Variants in WDPCP observed in about 807,000 individuals in gnomAD.
WDPCP encodes WD repeat containing planar cell polarity effector, also known as WD repeat-containing and planar cell polarity effector protein fritz homolog.
WDPCP carries 71 observed loss-of-function variants against 93.1 expected under a neutral mutation model. The ratio of observed to expected loss-of-function variants is 0.76; its 90% CI spans 0.63 to 0.93. The LOEUF (loss-of-function observed/expected upper bound fraction) is 0.93, where lower values mean the gene tolerates loss of function less well. WDPCP is among the 40% of genes least tolerant of loss of function. The pLI is 0.00. For missense variants in WDPCP, 844 were observed against 887.4 expected (o/e 0.95, Z 0.62); for synonymous variants, 315 against 315.0 (o/e 1.00, Z 0.00).
At chr2:63,169,697 G>A (rs868409753) in intron 15 of WDPCP, among the ~76,000 whole-genome samples, 1 of 151,936 alleles carries the variant, frequency 6.6e-6, no homozygotes, top group Non-Finnish European at 1.5e-5. Flanking sequence ...TTATACAAAC[G>A]CTGTTGCTTC....
At chr2:63,597,595 T>C in intron 3 of WDPCP, 1 of 1,342,804 alleles carries the variant, frequency 7.4e-7, no homozygotes, top group Non-Finnish European at 9.6e-7. Context: ...CTGTATTTTA[T>C]GGGATTTTTC....
At chr2:63,129,469 C>A (rs749958769) in intron 17 of WDPCP, among the ~76,000 whole-genome samples, 2 of 152,202 alleles carry the variant, frequency 1.3e-5, no homozygotes, top group South Asian at 2.1e-4. Context: ...TAATGGCCAT[C>A]TTATTGCTTC....
chr2:63,709,426 T>A (rs1237246634), intron 2 of WDPCP, among the ~76,000 whole-genome samples: 2 of 152,208 alleles, frequency 1.3e-5, no homozygotes, highest in Non-Finnish European at 2.9e-5. Context: ...ATTTGGGGGC[T>A]AGATTCATGC....
chr2:63,215,043 A>G (rs533566720), intron 14 of WDPCP, among the ~76,000 whole-genome samples: 11 of 152,316 alleles, frequency 7.2e-5, no homozygotes, highest in African/African-American at 2.4e-4. Flanking sequence ...AAATGGCCAT[A>G]CTGCCCAAGG....
intron 1 of WDPCP, among the ~76,000 whole-genome samples, chr2:63,514,272 C>T (rs1457233331): frequency 6.6e-6 from 1 of 152,024 alleles, no homozygotes; most frequent in African/African-American, 2.4e-5. Context: ...AAGTGCCCCA[C>T]CTCCTACCAA....
chr2:63,604,544 A>C (rs1297436260), intron 3 of WDPCP: 7 of 660,790 alleles, frequency 1.1e-5, no homozygotes, highest in African/African-American at 1.8e-5. Context: ...CCAAGCAATA[A>C]ATTTACATTT....
chr2:63,778,984 T>A (rs1306643025), intron 2 of WDPCP, among the ~76,000 whole-genome samples: 4 of 152,172 alleles, frequency 2.6e-5, no homozygotes, highest in Non-Finnish European at 4.4e-5. Context: ...TTGGCATACA[T>A]CCCTCTCTCT....
chr2:63,522,072 T>C (rs1272967431), intron 1 of WDPCP, among the ~76,000 whole-genome samples: 1 of 152,012 alleles, frequency 6.6e-6, no homozygotes, highest in Non-Finnish European at 1.5e-5. Flanking sequence ...TTGGGATACA[T>C]GTATAGAATG....
chr2:63,124,418 A>C (rs918167352), intron 17 of WDPCP, among the ~76,000 whole-genome samples: 4 of 152,016 alleles, frequency 2.6e-5, no homozygotes, highest in African/African-American at 4.8e-5. Context: ...TGCTTTCTAC[A>C]TGTGGTTAAG....
intron 2 of WDPCP, among the ~76,000 whole-genome samples, chr2:63,766,750 C>T (rs1419236329): frequency 6.6e-6 from 1 of 152,122 alleles, no homozygotes; most frequent in Non-Finnish European, 1.5e-5. Context: ...AATACACAGA[C>T]ATAAAATTTA....
intron 3 of WDPCP, among the ~76,000 whole-genome samples, chr2:63,639,893 G>A (rs1053955051): frequency 6.6e-5 from 10 of 152,170 alleles, no homozygotes; most frequent in Non-Finnish European, 1.0e-4. Flanking sequence ...AAAACATTAT[G>A]GAAACAATAC....
intron 1 of WDPCP, among the ~76,000 whole-genome samples, chr2:63,525,064 C>CA (rs1256015249): frequency 1.3e-5 from 2 of 151,436 alleles, no homozygotes; most frequent in South Asian, 2.1e-4. Flanking sequence ...CTACTCAGCC[C>CA]AAAAAAAAGA....
At chr2:63,280,620 TA>T (rs1397526097) in intron 13 of WDPCP, among the ~76,000 whole-genome samples, 2 of 152,118 alleles carry the variant, frequency 1.3e-5, no homozygotes, top group African/African-American at 4.8e-5. Context: ...GGTACTGGTA[TA>T]AAAATAGGCA....
chr2:63,611,079 C>G (rs1478864753), intron 3 of WDPCP, among the ~76,000 whole-genome samples: 1 of 152,106 alleles, frequency 6.6e-6, no homozygotes, highest in Non-Finnish European at 1.5e-5. Context: ...GCTTAGGTGA[C>G]AGTGCAAGAC....
At chr2:63,644,088 T>C (rs1710017568) in intron 3 of WDPCP, 3 of 354,692 alleles carry the variant, frequency 8.5e-6, no homozygotes, top group Non-Finnish European at 1.7e-5. Flanking sequence ...ATCTTTTTAA[T>C]CTGGTTTGTT....
At chr2:63,808,514 G>A (rs1035557397) in intron 2 of WDPCP, among the ~76,000 whole-genome samples, 2 of 152,212 alleles carry the variant, frequency 1.3e-5, no homozygotes, top group African/African-American at 4.8e-5. Context: ...ACTGGTTTTC[G>A]TGTTTTTTTG....
intron 2 of WDPCP, among the ~76,000 whole-genome samples, chr2:63,705,728 A>G (rs1669140326): frequency 6.8e-6 from 1 of 146,882 alleles, no homozygotes; most frequent in East Asian, 1.9e-4. Context: ...TATGTGGTCA[A>G]TTTTGGAATA....
intron 2 of WDPCP, among the ~76,000 whole-genome samples, chr2:63,801,996 G>A (rs1432614619): frequency 6.6e-6 from 1 of 152,102 alleles, no homozygotes; most frequent in Non-Finnish European, 1.5e-5. Flanking sequence ...AAAGTCAAGA[G>A]GAAGGTTAGT....
chr2:63,254,950 G>C (rs1028078127), intron 14 of WDPCP, among the ~76,000 whole-genome samples: 3 of 152,096 alleles, frequency 2.0e-5, no homozygotes, highest in Middle Eastern at 3.2e-3. Flanking sequence ...CAATTAAGAA[G>C]TATTTATTCT....
Sources: gnomAD v4.1 joint callset for allele counts (sites outside exome capture counted in the v4.1 genomes callset) on GRCh38, gnomAD v4.1.1 for gene constraint, MANE v1.5 for transcripts, NCBI Gene and HGNC (gene_info 2026-07-23, HGNC 2026-07-21) for gene names.